TMEM266: variants seen among roughly 807,000 people sequenced by gnomAD.
The protein encoded by TMEM266 is transmembrane protein 266.
Under a neutral mutation model 50.5 loss-of-function variants are expected in TMEM266, and 33 were observed. That is an observed-to-expected ratio of 0.65 (90% CI 0.50 to 0.87). TMEM266 has a LOEUF of 0.87. Ranked by LOEUF, TMEM266 falls within the 40% of genes least tolerant of loss-of-function variation. TMEM266 has a pLI of 0.00. For synonymous variants in TMEM266, 310 were observed against 292.3 expected, an observed-to-expected ratio of 1.06 and a Z score of -0.62; for missense variants, 655 against 695.1, an observed-to-expected ratio of 0.94 and a Z score of 0.65.
chr15:76,105,177 C>T (rs916593641), intron 1 of TMEM266, among the ~76,000 whole-genome samples: 22 of 151,890 alleles, frequency 1.4e-4, no homozygotes, highest in Admixed American at 1.0e-3. Flanking sequence ...ACCCAGGAGG[C>T]GAAGGTTGCA....
At chr15:76,089,615 A>G (rs2036822473) in intron 1 of TMEM266, among the ~76,000 whole-genome samples, 1 of 152,270 alleles carries the variant, frequency 6.6e-6, no homozygotes, top group Middle Eastern at 3.4e-3. Context: ...AAGTTTAAAC[A>G]TTCTGTGAGC....
At chr15:76,190,274 T>A (rs2038548412) in intron 8 of TMEM266, among the ~76,000 whole-genome samples, 1 of 152,132 alleles carries the variant, frequency 6.6e-6, no homozygotes, top group Non-Finnish European at 1.5e-5. Flanking sequence ...TTGGTATCTT[T>A]ACAGAACCAG....
chr15:76,170,931 C>A, intron 6 of TMEM266, 62 bp from the exon 7 acceptor site: 1 of 1,537,688 alleles, frequency 6.5e-7, no homozygotes, highest in Non-Finnish European at 8.8e-7. Flanking sequence ...CTTTGCCTGA[C>A]TGACCCCTGG....
intron 3 of TMEM266, among the ~76,000 whole-genome samples, chr15:76,147,821 A>G (rs1484103432): frequency 6.6e-6 from 1 of 152,292 alleles, no homozygotes; most frequent in East Asian, 1.9e-4. Context: ...GCTTGAGGCC[A>G]GGAGTTGGAG....
At position 76,137,902 on chromosome 15, in the gene TMEM266, G is replaced by T. The variant is rs2037616315; in HGVS notation, c.227+7G>T. On this transcript the variant is annotated splice_region_variant and intron_variant, in intron 3 of 10. Transcript: ENST00000388942. Reference sequence around the variant, plus strand: ...AAGATTACCAAAGAGAAGGGTAGGTGCTGGGACCATTGAGCTAGCTAAGAA... The same window carrying T: ...AAGATTACCAAAGAGAAGGGTAGGTTCTGGGACCATTGAGCTAGCTAAGAA... 6.4e-7 allele frequency: 1 copy of T among 1,555,008 alleles called. No homozygotes were observed. The highest frequency in any genetic ancestry group is 8.7e-7 in the Non-Finnish European group (1 of 1,152,252).
chr15:76,065,312 C>A (rs1446698776), intron 1 of TMEM266, among the ~76,000 whole-genome samples: 1 of 152,162 alleles, frequency 6.6e-6, no homozygotes, highest in Non-Finnish European at 1.5e-5. Context: ...CTCCTGCCCC[C>A]ACCCCTCTAC....
At chr15:76,071,800 C>CT (rs2036543525) in intron 1 of TMEM266, among the ~76,000 whole-genome samples, 1 of 152,158 alleles carries the variant, frequency 6.6e-6, no homozygotes, top group African/African-American at 2.4e-5. Context: ...CAGGCTTCCC[C>CT]CGCTTCCCTG....
intron 1 of TMEM266, among the ~76,000 whole-genome samples, chr15:76,130,197 G>A (rs972662872): frequency 8.3e-6 from 1 of 119,836 alleles, no homozygotes; most frequent in East Asian, 2.7e-4. Flanking sequence ...CTCCAGTCTG[G>A]CCAACAGAGT....
chr15:76,124,958 T>C (rs1184870315), intron 1 of TMEM266, among the ~76,000 whole-genome samples: 1 of 152,156 alleles, frequency 6.6e-6, no homozygotes, highest in Admixed American at 6.5e-5. Flanking sequence ...TACAAAGCTA[T>C]TGTAATCAAA....
intron 10 of TMEM266, among the ~76,000 whole-genome samples, chr15:76,202,645 G>C (rs918053417): frequency 6.6e-6 from 1 of 152,146 alleles, no homozygotes; most frequent in Non-Finnish European, 1.5e-5. Context: ...GTGAGAAGCA[G>C]CAGGCCTTGG....
intron 4 of TMEM266, among the ~76,000 whole-genome samples, chr15:76,159,388 G>A (rs1038401764): frequency 6.6e-6 from 1 of 152,182 alleles, no homozygotes; most frequent in Admixed American, 6.5e-5. Context: ...GTGAAAGGTG[G>A]GGCGGGAACC....
At chr15:76,174,441 C>G (rs184789482) in intron 7 of TMEM266, among the ~76,000 whole-genome samples, 1 of 152,024 alleles carries the variant, frequency 6.6e-6, no homozygotes, top group Non-Finnish European at 1.5e-5. Flanking sequence ...ATCCCAGCTG[C>G]TCGGGAGGCT....
At chr15:76,182,148 G>A (rs181347169) in intron 8 of TMEM266, among the ~76,000 whole-genome samples, 4 of 152,230 alleles carry the variant, frequency 2.6e-5, no homozygotes, top group Admixed American at 2.6e-4. Flanking sequence ...TTGGAGGAGT[G>A]GAAAGAATCC....
At chr15:76,129,473 C>G (rs949300399) in intron 1 of TMEM266, among the ~76,000 whole-genome samples, 2 of 151,890 alleles carry the variant, frequency 1.3e-5, no homozygotes, top group Non-Finnish European at 2.9e-5. Flanking sequence ...GAAGCCCCAT[C>G]TCTACTAAAA....
chr15:76,062,399 T>G (rs947205577), intron 1 of TMEM266, among the ~76,000 whole-genome samples: 2 of 152,248 alleles, frequency 1.3e-5, no homozygotes, highest in African/African-American at 4.8e-5. Flanking sequence ...TGAAACAGTA[T>G]AGCGGTTTGT....
At chr15:76,137,467 G>C (rs2142031767) in intron 2 of TMEM266, among the ~76,000 whole-genome samples, 1 of 152,174 alleles carries the variant, frequency 6.6e-6, no homozygotes, top group African/African-American at 2.4e-5. Flanking sequence ...CATATTTCCA[G>C]GTCTGAGCAC....
At chr15:76,064,737 C>T (rs1311302890) in intron 1 of TMEM266, among the ~76,000 whole-genome samples, 1 of 152,234 alleles carries the variant, frequency 6.6e-6, no homozygotes, top group Admixed American at 6.5e-5. Flanking sequence ...TCCCAGAACT[C>T]ATTAAAACAA....
In TMEM266 at chr15:76,084,663, C is replaced by T. The variant is rs146748227; in HGVS notation, c.-97+24647C>T. On this transcript the variant is annotated intron_variant, in intron 1 of 10. Coordinates refer to ENST00000388942, the MANE Select transcript of TMEM266 (RefSeq NM_152335.3). ...TTGCCCAGGCTGGAGTGCAGTGGCA[C>T]GATCTTGGTTCACTGCAACCTCTGC... Among the ~76,000 whole-genome samples, 205 of 151,494 alleles carry T rather than the reference C, an allele frequency of 1.4e-3. 1 individual carries two copies. The highest frequency in any genetic ancestry group is 4.6e-3 in the African/African-American group (188 of 41,308).
intron 1 of TMEM266, among the ~76,000 whole-genome samples, chr15:76,105,258 A>G (rs1346551867): frequency 6.6e-6 from 1 of 152,056 alleles, no homozygotes; most frequent in Non-Finnish European, 1.5e-5. Context: ...AAAAAAAGTA[A>G]AGAAAAAAAA....
Sources: gnomAD v4.1 joint callset for allele counts (sites outside exome capture counted in the v4.1 genomes callset) on GRCh38, gnomAD v4.1.1 for gene constraint, MANE v1.5 for transcripts, NCBI Gene and HGNC (gene_info 2026-07-23, HGNC 2026-07-21) for gene names.